Variants in PIP4K2A observed in about 807,000 individuals in gnomAD.
PIP4K2A encodes phosphatidylinositol 5-phosphate 4-kinase type-2 alpha.
In PIP4K2A, 14 loss-of-function variants were observed where a neutral mutation model predicts 42.9. The ratio of observed to expected loss-of-function variants is 0.33; its 90% CI spans 0.22 to 0.51. The LOEUF (loss-of-function observed/expected upper bound fraction) is 0.51, where lower values mean the gene tolerates loss of function less well. Among genes scored for constraint, PIP4K2A ranks in the 20% least tolerant of loss-of-function variants. The pLI, the probability that PIP4K2A is intolerant of heterozygous loss-of-function variation, is 0.97. For missense variants in PIP4K2A, 434 were observed against 519.8 expected, an observed-to-expected ratio of 0.83 and a Z score of 1.61; for synonymous variants, 192 against 192.2, an observed-to-expected ratio of 1.00 and a Z score of 0.01.
intron 6 of PIP4K2A, among the ~76,000 whole-genome samples, chr10:22,560,277 C>T (rs1314451481): frequency 2.0e-5 from 3 of 152,154 alleles, no homozygotes; most frequent in East Asian, 1.9e-4. Context: ...CTTAGCTGAG[C>T]GGCAAATAAA....
chr10:22,598,978 T>C (rs564657516), intron 3 of PIP4K2A, among the ~76,000 whole-genome samples: 3 of 152,252 alleles, frequency 2.0e-5, no homozygotes, highest in South Asian at 4.1e-4. Flanking sequence ...TAAAGTCACC[T>C]GTTCTAAATA....
rs538807673 is a variant in PIP4K2A, at chr10:22,535,953, T to G, written c.*1248A>C. 1.3e-5 allele frequency: 5 copies of G among 394,322 alleles called. No individual in the cohort carries two copies. The highest frequency in any genetic ancestry group is 2.1e-5 in the African/African-American group (1 of 48,556). 24.4% of individuals were successfully genotyped at this position (394,322 alleles called of 1,614,324 possible). On this transcript the variant is annotated 3_prime_UTR_variant, in exon 10 of 10. Transcript: ENST00000376573. ...CTACCATGTACTTTGACTAAAACAC[T>G]CACGTAAAAACATGGCTGCAGGATA...
chr10:22,672,680 G>C (rs1251556203), intron 1 of PIP4K2A, among the ~76,000 whole-genome samples: 3 of 152,136 alleles, frequency 2.0e-5, no homozygotes, highest in Non-Finnish European at 4.4e-5. Flanking sequence ...CTATTAAGAA[G>C]GGGTGGAGAA....
chr10:22,685,219 G>T (rs186979407), intron 1 of PIP4K2A, among the ~76,000 whole-genome samples: 9 of 152,122 alleles, frequency 5.9e-5, no homozygotes, highest in Non-Finnish European at 1.0e-4. Context: ...TTTTTAAAAG[G>T]AGTTTAAGAG....
chr10:22,564,365 CA>C (rs1231471273), intron 6 of PIP4K2A, among the ~76,000 whole-genome samples: 1 of 152,098 alleles, frequency 6.6e-6, no homozygotes, highest in Non-Finnish European at 1.5e-5. Flanking sequence ...CTGAAGAAAT[CA>C]AAATGAATGA....
intron 1 of PIP4K2A, among the ~76,000 whole-genome samples, chr10:22,703,416 A>T (rs953635142): frequency 6.6e-5 from 10 of 152,310 alleles, no homozygotes; most frequent in Middle Eastern, 3.4e-3. Flanking sequence ...CTCAAATAAA[A>T]AAATAAATAA....
chr10:22,608,834 A>C (rs551977327), intron 2 of PIP4K2A, among the ~76,000 whole-genome samples: 78 of 152,302 alleles, frequency 5.1e-4, no homozygotes, highest in Non-Finnish European at 9.7e-4. Context: ...ATATAATTTC[A>C]CCACTGCACA....
At chr10:22,679,877 T>C (rs1588702931) in intron 1 of PIP4K2A, among the ~76,000 whole-genome samples, 2 of 151,678 alleles carry the variant, frequency 1.3e-5, no homozygotes, top group Admixed American at 1.3e-4. Context: ...GGGGTAGGGG[T>C]TGGGGGAAAT....
chr10:22,552,845 C>A lies in PIP4K2A; in HGVS notation c.679-2073G>T, dbSNP rs537828042. On this transcript the variant is annotated intron_variant, in intron 6 of 9. Coordinates refer to ENST00000376573, the MANE Select transcript of PIP4K2A (RefSeq NM_005028.5). ...GGATATCTGCCTCAATTCCACAACC[C>A]ATTTTATAAGTGTAAGAAAAGAAGG... Among the ~76,000 whole-genome samples, 5 of 152,156 alleles carry A rather than the reference C, an allele frequency of 3.3e-5. No individual in the cohort carries two copies. The East Asian group carries it at 9.7e-4, about 29-fold the overall frequency.
intron 8 of PIP4K2A, among the ~76,000 whole-genome samples, 160 bp downstream of exon 8, chr10:22,541,644 G>A (rs1836117238): frequency 6.6e-6 from 1 of 152,150 alleles, no homozygotes. Flanking sequence ...ATCACGGTTA[G>A]CTTTAACATA....
At chr10:22,552,343 T>C (rs1180822601) in intron 6 of PIP4K2A, among the ~76,000 whole-genome samples, 1 of 152,172 alleles carries the variant, frequency 6.6e-6, no homozygotes, top group Non-Finnish European at 1.5e-5. Flanking sequence ...CCAAACACTT[T>C]TATGCTGAGT....
At chr10:22,691,010 C>A (rs761831715) in intron 1 of PIP4K2A, among the ~76,000 whole-genome samples, 1 of 152,162 alleles carries the variant, frequency 6.6e-6, no homozygotes, top group South Asian at 2.1e-4. Flanking sequence ...TGGTCCCCCA[C>A]GTAACCCCCT....
At chr10:22,638,873 T>G (rs1778333) in intron 1 of PIP4K2A, among the ~76,000 whole-genome samples, 21 of 152,184 alleles carry the variant, frequency 1.4e-4, no homozygotes, top group Non-Finnish European at 2.2e-4. Context: ...TAGTAGTGAT[T>G]CTTACTTGGT....
intron 1 of PIP4K2A, among the ~76,000 whole-genome samples, chr10:22,660,370 C>A (rs1433183917): frequency 6.6e-6 from 1 of 152,092 alleles, no homozygotes. Flanking sequence ...ACTTGGGAGG[C>A]TGAGGCAGGA....
At chr10:22,638,837 A>G (rs995895866) in intron 1 of PIP4K2A, among the ~76,000 whole-genome samples, 3 of 152,182 alleles carry the variant, frequency 2.0e-5, no homozygotes, top group Non-Finnish European at 1.5e-5. Context: ...TGTAAGATTA[A>G]AAGTATTATG....
chr10:22,681,982 CT>C (rs1839671502), intron 1 of PIP4K2A, among the ~76,000 whole-genome samples: 1 of 152,036 alleles, frequency 6.6e-6, no homozygotes, highest in South Asian at 2.1e-4. Context: ...TTATGAAATA[CT>C]TTTTTAGAAA....
At chr10:22,610,138 G>C (rs1224730691) in intron 1 of PIP4K2A, among the ~76,000 whole-genome samples, 3 of 152,198 alleles carry the variant, frequency 2.0e-5, no homozygotes, top group African/African-American at 7.2e-5. Context: ...ATTAATGGAC[G>C]TGATTTATAT....
chr10:22,706,950 A>T (rs982922115), intron 1 of PIP4K2A, among the ~76,000 whole-genome samples: 4 of 152,162 alleles, frequency 2.6e-5, no homozygotes, highest in Non-Finnish European at 5.9e-5. Flanking sequence ...TTTAGCATAC[A>T]ATCTGATAAT....
rs1833972330 is a variant in PIP4K2A, at chr10:22,714,430, C to T, written c.-104G>A. Reference sequence around the variant, plus strand: ...CAGCCGCATCCCCCCGGCGGCGGCCCCGGCGCGCCGCGCTCCGCTCCGCCC... The same window carrying T: ...CAGCCGCATCCCCCCGGCGGCGGCCTCGGCGCGCCGCGCTCCGCTCCGCCC... On this transcript the variant is annotated 5_prime_UTR_variant, in exon 1 of 10. Transcript: ENST00000376573. 2 of 738,720 alleles carry T rather than the reference C, an allele frequency of 2.7e-6. No individual in the cohort carries two copies. The highest frequency in any genetic ancestry group is 1.2e-4 in the South Asian group (2 of 16,486). 45.8% of individuals were successfully genotyped at this position (738,720 alleles called of 1,614,324 possible).
Sources: gnomAD v4.1 joint callset for allele counts (sites outside exome capture counted in the v4.1 genomes callset) on GRCh38, gnomAD v4.1.1 for gene constraint, MANE v1.5 for transcripts, NCBI Gene and HGNC (gene_info 2026-07-23, HGNC 2026-07-21) for gene names.